KCNT1: variants seen among roughly 807,000 people sequenced by gnomAD.
KCNT1 encodes the protein potassium sodium-activated channel subfamily T member 1, also known as potassium channel subfamily T member 1.
A neutral mutation model predicts 147.8 loss-of-function variants in KCNT1; 78 were observed. The ratio of observed to expected loss-of-function variants is 0.53; its 90% CI spans 0.44 to 0.64. The LOEUF is 0.64. Among genes scored for constraint, KCNT1 ranks in the 30% least tolerant of loss-of-function variants. The pLI is 0.00. For missense variants in KCNT1, 1,419 were observed against 1,750.3 expected (o/e 0.81, Z 3.38); for synonymous variants, 867 against 748.8 (o/e 1.16, Z -2.58).
At chr9:135,747,091 T>A (rs865801839) in intron 2 of KCNT1, among the ~76,000 whole-genome samples, 2 of 151,858 alleles carry the variant, frequency 1.3e-5, no homozygotes, top group Non-Finnish European at 2.9e-5. Context: ...ATTCCCGGGC[T>A]GGGTGGGAGA....
At chr9:135,764,296 A>G (rs772708320) in intron 11 of KCNT1, among the ~76,000 whole-genome samples, 2 of 107,528 alleles carry the variant, frequency 1.9e-5, no homozygotes, top group Non-Finnish European at 4.7e-5. Flanking sequence ...TCTCTACAAA[A>G]AATAAAAATA....
intron 4 of KCNT1, 176 bp from the exon 5 acceptor site, chr9:135,753,761 G>C (rs996510946): frequency 9.3e-6 from 6 of 645,016 alleles, no homozygotes; most frequent in Non-Finnish European, 1.7e-5. Flanking sequence ...CGCAGTAGGT[G>C]GGGAGGGGGC....
intron 2 of KCNT1, among the ~76,000 whole-genome samples, chr9:135,726,128 T>TG (rs1188210444): frequency 6.9e-6 from 1 of 145,652 alleles, no homozygotes; most frequent in East Asian, 2.0e-4. Flanking sequence ...CCTGCAGTCG[T>TG]GGGGGCAGGG....
Position 135,786,445 on chromosome 9 carries a change from G to A in KCNT1, c.3426G>A (p.Arg1142=), listed in dbSNP as rs1236366069. 1 of 1,597,956 alleles carries A rather than the reference G, an allele frequency of 6.3e-7. No individual in the cohort carries two copies. Among genetic ancestry groups the A allele is most frequent in the South Asian group, 1.1e-5 (1 of 89,324 alleles). Residue 1142 remains arginine, a synonymous_variant, in exon 29 of 31, where the codon CGG becomes CGA. Transcript: ENST00000371757. ...GCCAGCAGCGCCTCAGCCTGTACCG[G>A]CGCTCTGAGCGCCAGGAGCTCTCCG... The part of the protein sequence containing the change: ...WISQQRLSLY[R]RSERQELSEL...
At chr9:135,718,149 A>G (rs1241983511) in intron 2 of KCNT1, among the ~76,000 whole-genome samples, 1 of 152,106 alleles carries the variant, frequency 6.6e-6, no homozygotes, top group Non-Finnish European at 1.5e-5. Flanking sequence ...AAGCCATCCC[A>G]TATCTCCTCA....
At chr9:135,708,494 A>G (rs1230617602) in intron 1 of KCNT1, among the ~76,000 whole-genome samples, 1 of 152,196 alleles carries the variant, frequency 6.6e-6, no homozygotes, top group African/African-American at 2.4e-5. Context: ...GAGTGTGAAC[A>G]AGAATGTATT....
chr9:135,750,209 G>GC, intron 3 of KCNT1, 32 bp downstream of exon 3: 1 of 1,582,346 alleles, frequency 6.3e-7, no homozygotes, highest in Non-Finnish European at 8.7e-7. Context: ...CCACTCCCAG[G>GC]CAGGGAGGTG....
At position 135,730,140 on chromosome 9, in the gene KCNT1, G is replaced by A. The variant is rs1836370351; in HGVS notation, c.254+15420G>A. ...TATAATTCCTGCTGGAAACACCCTCGACCCTTTCTCTTTAATGACAGATTT... is the reference window on the plus strand; with the variant it reads ...TATAATTCCTGCTGGAAACACCCTCAACCCTTTCTCTTTAATGACAGATTT... On this transcript the variant is annotated intron_variant, in intron 2 of 30. Transcript: ENST00000371757. This position sits in a 1 kb window ranked among gnomAD's most constrained non-coding sequence, Gnocchi z 4.7. 6.6e-6 allele frequency among the ~76,000 whole-genome samples: 1 copy of A among 152,112 alleles called. No individual in the cohort carries two copies. The highest frequency in any genetic ancestry group is 6.5e-5 in the Admixed American group (1 of 15,278).
chr9:135,732,498 C>G (rs1383616038), intron 2 of KCNT1, among the ~76,000 whole-genome samples: 1 of 152,068 alleles, frequency 6.6e-6, no homozygotes, highest in African/African-American at 2.4e-5. Context: ...TCTCCTGTTC[C>G]TCCTGGCTTG....
chr9:135,774,428 TGTG>T (rs1239367589), intron 19 of KCNT1, among the ~76,000 whole-genome samples: 3 of 143,318 alleles, frequency 2.1e-5, no homozygotes, highest in African/African-American at 5.3e-5. Context: ...GTCTGTGTGT[TGTG>T]TGGTGTGTCT....
chr9:135,785,034 G>A, intron 27 of KCNT1, 145 bp downstream of exon 27: 3 of 1,334,912 alleles, frequency 2.2e-6, no homozygotes, highest in South Asian at 2.8e-5. Context: ...AGGGACCTGG[G>A]CTAGATCAGC....
chr9:135,747,764 G>A (rs148181990), intron 2 of KCNT1, among the ~76,000 whole-genome samples: 252 of 152,136 alleles, frequency 1.7e-3, no homozygotes, highest in African/African-American at 5.6e-3. Context: ...TGGTTCAGAC[G>A]CCACTGGTCT....
intron 2 of KCNT1, among the ~76,000 whole-genome samples, chr9:135,728,720 G>A (rs1836315954): frequency 6.6e-6 from 1 of 152,236 alleles, no homozygotes; most frequent in Admixed American, 6.5e-5. Flanking sequence ...AGCTTGGAGA[G>A]ACATCTCCCC....
intron 13 of KCNT1, among the ~76,000 whole-genome samples, chr9:135,767,993 G>T (rs1832406640): frequency 6.6e-6 from 1 of 150,582 alleles, no homozygotes; most frequent in Non-Finnish European, 1.5e-5. Context: ...CACACACTCG[G>T]GGGACAGGTG....
In KCNT1 at chr9:135,714,655, C is replaced by G. The variant is rs1391339097; in HGVS notation, c.189C>G (p.Pro63=). Residue 63 remains proline (P), a synonymous_variant, in exon 2 of 31, where the codon CCC becomes CCG. Transcript: ENST00000371757. The surrounding 1 kb of genome is among the most constrained non-coding windows in gnomAD (Gnocchi z 6.2). ...GCGACCTGGACTCCGAGGTGCTGCC[C>G]TTGCCGCCGCGCTACCGCTTCCGGG... ...KMSDLDSEVL[P]LPPRYRFRDL... 1 of 1,484,982 alleles carries G rather than the reference C, an allele frequency of 6.7e-7. No homozygotes were observed. The allele number at this position is 1,484,982 out of a possible 1,614,324, so 92.0% of individuals were successfully genotyped here. A position where few individuals can be genotyped will look rare whatever the true frequency, so the allele number is the denominator to read the frequency against.
chr9:135,765,082 T>G lies in KCNT1; in HGVS notation c.1087T>G (p.Tyr363Asp). The G allele has an allele frequency of 6.2e-7, 1 of 1,613,280 alleles. No individual in the cohort carries two copies. The highest frequency in any genetic ancestry group is 8.5e-7 in the Non-Finnish European group (1 of 1,179,900). ...WMERQKSGGN[Y>D]SRHRAQTEKH... ...GGAGCGGCAGAAGTCAGGGGGCAACTACAGCCGCCACCGTGCGCAGACGGA... is the reference window on the plus strand; with the variant it reads ...GGAGCGGCAGAAGTCAGGGGGCAACGACAGCCGCCACCGTGCGCAGACGGA... The change falls in exon 12 of 31, where the codon TAC becomes GAC. Residue 363 changes from tyrosine to aspartate, a missense_variant. Physicochemically the swap from Tyr to Asp is radical, Grantham distance 160. Transcript: ENST00000371757.
In KCNT1 at chr9:135,714,851, C is replaced by A; in HGVS notation, c.254+131C>A. On this transcript the variant is annotated intron_variant, in intron 2 of 30. Transcript: ENST00000371757. This position sits in a 1 kb window ranked among gnomAD's most constrained non-coding sequence, Gnocchi z 6.2. The stretch of plus-strand genomic sequence containing the variant: ...GCCGGCGCCCTTCAACTTTTCCCGG[C>A]TTCTGGGGACGCAGAAGTTTCGGAG... 3 of 571,268 alleles carry A rather than the reference C, an allele frequency of 5.3e-6. No homozygotes were observed. The highest frequency in any genetic ancestry group is 7.1e-6 in the Non-Finnish European group (3 of 422,530). 35.4% of individuals were successfully genotyped at this position (571,268 alleles called of 1,614,324 possible).
In KCNT1 at chr9:135,792,805, T is replaced by C. The variant is rs999685431; in HGVS notation, c.*644T>C. ...AGAGGGCCCTGTCGCCGAGGACCTT[T>C]CTGAAGGAAGCAGAAGACGCCATTT... On this transcript the variant is annotated 3_prime_UTR_variant, in exon 31 of 31. Transcript: ENST00000371757. 1 of 152,234 alleles carries C rather than the reference T, an allele frequency of 6.6e-6. No individual in the cohort carries two copies. Among genetic ancestry groups the C allele is most frequent in the Non-Finnish European group, 1.5e-5 (1 of 68,078 alleles). The allele number at this position is 152,234 out of a possible 1,614,324, so 9.4% of individuals were successfully genotyped here. A position where few individuals can be genotyped will look rare whatever the true frequency, so the allele number is the denominator to read the frequency against.
chr9:135,772,796 T>A lies in KCNT1; in HGVS notation c.2090T>A (p.Leu697Gln). 6.6e-7 allele frequency: 1 copy of A among 1,506,416 alleles called. No homozygotes were observed. Among genetic ancestry groups the A allele is most frequent in the Non-Finnish European group, 8.9e-7 (1 of 1,125,016 alleles). The allele number at this position is 1,506,416 out of a possible 1,614,324, so 93.3% of individuals were successfully genotyped here. A position where few individuals can be genotyped will look rare whatever the true frequency, so the allele number is the denominator to read the frequency against. ...GGGGGGSKLA[L>Q]PTENGSGSRR... ...GGGGGCGGGGGCAGCAAGCTGGCAC[T>A]GCCCACGGAGAACGGCTCGGGCAGC... Residue 697 changes from leucine (L) to glutamine (Q), a missense_variant, in exon 19 of 31, where the codon CTG (leucine) becomes CAG (glutamine). Around this residue, in one of 5 missense-constraint regions of KCNT1, gnomAD observed 284 missense variants for 292.8 expected, o/e 0.97. Transcript: ENST00000371757.
Sources: allele counts gnomAD v4.1 joint callset (sites outside exome capture counted in the v4.1 genomes callset), GRCh38; gene constraint gnomAD v4.1.1; regional missense constraint gnomAD v4.1.1; non-coding constraint Gnocchi (gnomAD v3.1); transcripts MANE v1.5; gene names NCBI Gene and HGNC (gene_info 2026-07-23, HGNC 2026-07-21).